The following TMEM178B variants were observed in gnomAD, a reference collection of about 807,000 sequenced individuals.
The protein encoded by TMEM178B is transmembrane protein 178B.
Under a neutral mutation model 31.0 loss-of-function variants are expected in TMEM178B, and 5 were observed. The ratio of observed to expected loss-of-function variants is 0.16; its 90% CI spans 0.08 to 0.34. The LOEUF is 0.34. TMEM178B is among the 10% of genes least tolerant of loss of function. The pLI is 1.00. For synonymous variants in TMEM178B, 164 were observed against 164.0 expected (o/e 1.00, Z 0.00); for missense variants, 275 against 400.3 (o/e 0.69, Z 2.67).
chr7:141,440,779 C>T (rs771371103), intron 3 of TMEM178B, among the ~76,000 whole-genome samples: 3 of 152,160 alleles, frequency 2.0e-5, no homozygotes, highest in Admixed American at 6.5e-5. Flanking sequence ...TTGCTGACTG[C>T]GGCACCTTCC....
rs947097198 is a variant in TMEM178B at position 141,479,076 on chromosome 7, C to T, written c.*8290C>T. ...TGTCGGCGCTGCCCCAGTCATGTCCCTTATGACCTGTCCAAGTCCTAGAGG... is the reference window on the plus strand; with the variant it reads ...TGTCGGCGCTGCCCCAGTCATGTCCTTTATGACCTGTCCAAGTCCTAGAGG... On this transcript the variant is annotated 3_prime_UTR_variant, in exon 4 of 4. Coordinates refer to ENST00000565468, the MANE Select transcript of TMEM178B (RefSeq NM_001195278.2). 6.6e-6 allele frequency: 1 copy of T among 152,236 alleles called. No homozygotes were observed. Among genetic ancestry groups the T allele is most frequent in the African/African-American group, 2.4e-5 (1 of 41,426 alleles). 9.4% of individuals were successfully genotyped at this position (152,236 alleles called of 1,614,324 possible).
intron 2 of TMEM178B, among the ~76,000 whole-genome samples, chr7:141,310,236 GAAA>G (rs1175659456): frequency 1.3e-5 from 2 of 151,726 alleles, no homozygotes; most frequent in Non-Finnish European, 2.9e-5. Context: ...AAATTTACAA[GAAA>G]AAAACAGTCC....
chr7:141,489,059 T>C, the TMEM178B span, among the ~76,000 whole-genome samples: 7 of 152,206 alleles, frequency 4.6e-5, no homozygotes, highest in African/African-American at 7.2e-5. Context: ...ATTAACATTT[T>C]GACATACTTT....
chr7:141,176,248 G>GATGGATTACATTT (rs1226962596), intron 1 of TMEM178B, among the ~76,000 whole-genome samples: 2 of 152,204 alleles, frequency 1.3e-5, no homozygotes, highest in African/African-American at 4.8e-5. Context: ...CTGTTTATGT[G>GATGGATTACATTT]ATGGATTACA....
At position 141,116,477 on chromosome 7, in the gene TMEM178B, A is replaced by T. The variant is rs1003307320; in HGVS notation, c.382+41785A>T. Among the ~76,000 whole-genome samples, 4 of 152,222 alleles carry T rather than the reference A, an allele frequency of 2.6e-5. No homozygotes were observed. The East Asian group carries it at 7.7e-4, about 29-fold the overall frequency. ...TTCTTTGACTATTAAATTCCAATGA[A>T]TTGAATCTCCAATGAATTGACTCTG... On this transcript the variant is annotated intron_variant, in intron 1 of 3. Transcript: ENST00000565468.
intron 1 of TMEM178B, among the ~76,000 whole-genome samples, chr7:141,189,521 A>G (rs1796664091): frequency 6.6e-6 from 1 of 152,210 alleles, no homozygotes; most frequent in Non-Finnish European, 1.5e-5. Context: ...GGAATCCAGA[A>G]GGTGGAGTCC....
At position 141,185,366 on chromosome 7, in the gene TMEM178B, T is replaced by C. The variant is rs182169064; in HGVS notation, c.383-27225T>C. Among the ~76,000 whole-genome samples, 3 of 152,256 alleles carry C rather than the reference T, an allele frequency of 2.0e-5. No homozygotes were observed. The East Asian group carries it at 5.8e-4, about 29-fold the overall frequency. ...CAGGGTTTCACTGAGTGGAAGTAGC[T>C]CTCAGCAGATGAGGGAGCCAGAAGG... On this transcript the variant is annotated intron_variant, in intron 1 of 3. Coordinates refer to ENST00000565468, the MANE Select transcript of TMEM178B (RefSeq NM_001195278.2).
At chr7:141,328,930 G>T (rs1464881371) in intron 2 of TMEM178B, among the ~76,000 whole-genome samples, 2 of 151,478 alleles carry the variant, frequency 1.3e-5, no homozygotes, top group Non-Finnish European at 2.9e-5. Context: ...ATTAATTAAT[G>T]GTGAGAATCA....
intron 1 of TMEM178B, among the ~76,000 whole-genome samples, chr7:141,134,575 A>C (rs1234737776): frequency 6.6e-6 from 1 of 152,212 alleles, no homozygotes; most frequent in African/African-American, 2.4e-5. Flanking sequence ...CAATACAAAA[A>C]ACCACCAAAC....
chr7:141,420,201 C>CA (rs372358019), intron 2 of TMEM178B, among the ~76,000 whole-genome samples: 77 of 151,480 alleles, frequency 5.1e-4, no homozygotes, highest in South Asian at 4.6e-3. Flanking sequence ...TGCCCCCCCC[C>CA]ACTACATACA....
chr7:141,241,836 T>C (rs765471218), intron 2 of TMEM178B, among the ~76,000 whole-genome samples: 1 of 152,200 alleles, frequency 6.6e-6, no homozygotes, highest in Non-Finnish European at 1.5e-5. Context: ...TAGTGTATTT[T>C]ACTTGGCCCT....
chr7:141,385,169 G>A (rs10264996), intron 2 of TMEM178B, among the ~76,000 whole-genome samples: 11,894 of 152,086 alleles, frequency 0.078, 555 homozygotes, highest in South Asian at 0.11. Flanking sequence ...CCCACTTTTC[G>A]TATTTTTCCA....
At chr7:141,388,662 A>G (rs776232121) in intron 2 of TMEM178B, among the ~76,000 whole-genome samples, 1 of 152,074 alleles carries the variant, frequency 6.6e-6, no homozygotes, top group Non-Finnish European at 1.5e-5. Flanking sequence ...CCGGGTTGGC[A>G]TTAATTTTTT....
chr7:141,104,909 G>C (rs1427179252), intron 1 of TMEM178B, among the ~76,000 whole-genome samples: 4 of 152,190 alleles, frequency 2.6e-5, no homozygotes, highest in African/African-American at 9.7e-5. Flanking sequence ...TGAGGTCTCT[G>C]GGGGTAGGGG....
intron 2 of TMEM178B, among the ~76,000 whole-genome samples, chr7:141,311,671 C>T (rs1377202983): frequency 6.6e-6 from 1 of 152,172 alleles, no homozygotes; most frequent in Non-Finnish European, 1.5e-5. Context: ...CTTTAAAAAA[C>T]TATTTTTTTC....
At position 141,254,579 on chromosome 7, in the gene TMEM178B, G is replaced by A. The variant is rs561843813; in HGVS notation, c.496+41875G>A. 5.4e-4 allele frequency among the ~76,000 whole-genome samples: 82 copies of A among 152,206 alleles called. 1 individual carries two copies. In the South Asian group the frequency reaches 0.016, roughly 30 times the overall value. On this transcript the variant is annotated intron_variant, in intron 2 of 3. Transcript: ENST00000565468. ...CTGAAAATACAAAAATTAGCCAGGC[G>A]TGGTGGCAGGCACCTGTAATCCCAG...
rs903912652 is a variant in TMEM178B, at chr7:141,443,196, C to G, written c.634+5451C>G. ...GATTGTAGACTTCCCATAGTATCCTCTGCCACTGTATCCAGTTCCCTGTAT... is the reference window on the plus strand; with the variant it reads ...GATTGTAGACTTCCCATAGTATCCTGTGCCACTGTATCCAGTTCCCTGTAT... On this transcript the variant is annotated intron_variant, in intron 3 of 3. Transcript: ENST00000565468. 1.4e-4 allele frequency among the ~76,000 whole-genome samples: 22 copies of G among 152,222 alleles called. 1 individual carries two copies. The highest frequency in any genetic ancestry group is 4.6e-4 in the African/African-American group (19 of 41,454).
intron 2 of TMEM178B, among the ~76,000 whole-genome samples, chr7:141,225,981 A>G (rs971264957): frequency 1.1e-4 from 17 of 152,188 alleles, no homozygotes; most frequent in African/African-American, 3.4e-4. Context: ...GGCGCCTGGC[A>G]CCAAATTAGA....
At position 141,330,191 on chromosome 7, in the gene TMEM178B, A is replaced by T. The variant is rs1799274247; in HGVS notation, c.497-107417A>T. Among the ~76,000 whole-genome samples the T allele has an allele frequency of 2.6e-5, 4 of 152,196 alleles. No individual in the cohort carries two copies. In the South Asian group the frequency reaches 8.3e-4, roughly 32 times the overall value. On this transcript the variant is annotated intron_variant, in intron 2 of 3. Coordinates refer to ENST00000565468, the MANE Select transcript of TMEM178B (RefSeq NM_001195278.2). ...GTTACATAGGTAAACATGTTCTATG[A>T]TGGTTTGCTATACCTGTCAACCCAT...
Sources: allele counts gnomAD v4.1 joint callset (sites outside exome capture counted in the v4.1 genomes callset), GRCh38; gene constraint gnomAD v4.1.1; transcripts MANE v1.5; gene names NCBI Gene and HGNC (gene_info 2026-07-23, HGNC 2026-07-21).